Variants in ZPBP observed in about 807,000 individuals in gnomAD.
ZPBP encodes the protein zona pellucida binding protein.
Under a neutral mutation model 44.8 loss-of-function variants are expected in ZPBP, and 26 were observed. That is an observed-to-expected ratio of 0.58 (90% CI 0.43 to 0.81). The LOEUF is 0.81. Among genes scored for constraint, ZPBP ranks in the 30% least tolerant of loss-of-function variants. The pLI, the probability that ZPBP is intolerant of heterozygous loss-of-function variation, is 0.00. For synonymous variants in ZPBP, 174 were observed against 153.2 expected (o/e 1.14, Z -1.00); for missense variants, 409 against 434.0 (o/e 0.94, Z 0.51).
chr7:49,984,175 C>A (rs1228343728), intron 6 of ZPBP, among the ~76,000 whole-genome samples: 1 of 152,148 alleles, frequency 6.6e-6, no homozygotes, highest in Admixed American at 6.5e-5. Context: ...TAACTAGCAC[C>A]TCCAATCTAG....
chr7:50,090,127 G>A (rs1802877425), intron 1 of ZPBP, among the ~76,000 whole-genome samples: 1 of 151,766 alleles, frequency 6.6e-6, no homozygotes, highest in African/African-American at 2.4e-5. Context: ...CTTAAGTTTT[G>A]GAGGAACAGG....
At chr7:49,981,576 TAA>T (rs577844213) in intron 7 of ZPBP, among the ~76,000 whole-genome samples, 8 of 30,324 alleles carry the variant, frequency 2.6e-4, no homozygotes, top group Non-Finnish European at 4.9e-4. Flanking sequence ...TATAATTATA[TAA>T]ATTATATATT....
At chr7:49,943,331 G>A (rs1794965900) in intron 7 of ZPBP, 1 of 297,734 alleles carries the variant, frequency 3.4e-6, no homozygotes, top group South Asian at 3.3e-5. Context: ...CAAGTCCTCA[G>A]AAGAGTATAC....
In ZPBP at chr7:49,983,503, T is replaced by G. The variant is rs1349377632; in HGVS notation, c.800A>C (p.Glu267Ala). The G allele has an allele frequency of 6.3e-7, 1 of 1,598,262 alleles. No homozygotes were observed. The highest frequency in any genetic ancestry group is 1.1e-5 in the South Asian group (1 of 89,378). ...TTCTACTTGTTGATTAAAAAATCTC[T>G]CTATGAGATTTTTAGCCTAAAACAT... is the stretch of plus-strand genomic sequence containing the variant. ...KRLFKAKNLI[E>A]RFFNQQVEIL... The change falls in exon 7 of 8, where the codon GAG becomes GCG. Residue 267 changes from glutamate (E) to alanine (A), a missense_variant. By Grantham distance (107) the Glu-to-Ala change is moderately radical (BLOSUM62 -1). Coordinates refer to ENST00000046087, the MANE Select transcript of ZPBP (RefSeq NM_007009.3).
At chr7:49,934,063 A>AC (rs1335804864), downstream of ZPBP, among the ~76,000 whole-genome samples, 1 of 151,354 alleles carries the variant, frequency 6.6e-6, no homozygotes, top group Admixed American at 6.6e-5. Context: ...TAAAAAAAAA[A>AC]AAAAGAACTA....
chr7:49,864,592 G>T (rs905363851), intron 2 of ZPBP, among the ~76,000 whole-genome samples: 2 of 152,176 alleles, frequency 1.3e-5, no homozygotes, highest in Non-Finnish European at 2.9e-5. Flanking sequence ...GCAGGTTGTT[G>T]TCAGCCTTAC....
At chr7:49,981,342 A>ATT (rs1450949085) in intron 7 of ZPBP, among the ~76,000 whole-genome samples, 1 of 17,408 alleles carries the variant, frequency 5.7e-5, no homozygotes, top group African/African-American at 2.5e-4. Flanking sequence ...AATTATATAT[A>ATT]TTATATAATA....
At position 50,074,349 on chromosome 7, in the gene ZPBP, A is replaced by G. The variant is rs1801983664; in HGVS notation, c.334+7425T>C. ...CAGAGAAAATCGCCTTCACTACTGG[A>G]AGACAGAAAGGAGAGAAAGAAGGAA... On this transcript the variant is annotated intron_variant, in intron 3 of 7. Transcript: ENST00000046087. Among the ~76,000 whole-genome samples the G allele has an allele frequency of 5.9e-5, 9 of 152,160 alleles. No homozygotes were observed. In the South Asian group the frequency reaches 1.9e-3, roughly 32 times the overall value.
chr7:49,963,982 T>C (rs192957928), intron 7 of ZPBP, among the ~76,000 whole-genome samples: 11 of 152,002 alleles, frequency 7.2e-5, no homozygotes, highest in African/African-American at 2.4e-4. Context: ...CAATATATGA[T>C]GATAAAGTGG....
At chr7:49,887,038 A>C (rs1791934497) in intron 2 of ZPBP, among the ~76,000 whole-genome samples, 1 of 151,938 alleles carries the variant, frequency 6.6e-6, no homozygotes, top group African/African-American at 2.4e-5. Context: ...CAGAAGATTT[A>C]TTTTAAACCA....
Position 49,980,105 on chromosome 7 carries a change from T to C in ZPBP, c.961+3237A>G, listed in dbSNP as rs1047744023. Among the ~76,000 whole-genome samples, 646 of 104,756 alleles carry C rather than the reference T, an allele frequency of 6.2e-3. 14 individuals are homozygous for C. Among genetic ancestry groups the C allele is most frequent in the Non-Finnish European group, 8.5e-3 (497 of 58,200 alleles). The allele number at this position is 104,756 out of a possible 152,430, so 68.7% of individuals were successfully genotyped here. On this transcript the variant is annotated intron_variant, in intron 7 of 7. Coordinates refer to ENST00000046087, the MANE Select transcript of ZPBP (RefSeq NM_007009.3). ...AATATAATTTTATATTATATATAAT[T>C]ATAATATAATTTTATATTATAATTA...
In ZPBP at chr7:49,988,688, C is replaced by T. The variant is rs1334294448; in HGVS notation, c.784-5169G>A. 2.6e-5 allele frequency among the ~76,000 whole-genome samples: 4 copies of T among 152,260 alleles called. No homozygotes were observed. In the East Asian group the frequency reaches 7.7e-4, roughly 29 times the overall value. Reference sequence around the variant, plus strand: ...TCCTCTTCAAAGGATGGTCTATAATCAGCCACAAAACTCTGACAGGCAGTC... The same window carrying T: ...TCCTCTTCAAAGGATGGTCTATAATTAGCCACAAAACTCTGACAGGCAGTC... On this transcript the variant is annotated intron_variant, in intron 6 of 7. Transcript: ENST00000046087.
chr7:50,060,558 C>G (rs575450080), intron 3 of ZPBP, among the ~76,000 whole-genome samples: 18 of 152,200 alleles, frequency 1.2e-4, no homozygotes, highest in African/African-American at 3.6e-4. Context: ...ACTAGAAAAC[C>G]TAGAGAAATG....
At chr7:50,019,205 C>A (rs1333757207) in intron 5 of ZPBP, among the ~76,000 whole-genome samples, 2 of 152,054 alleles carry the variant, frequency 1.3e-5, no homozygotes, top group Admixed American at 6.6e-5. Context: ...CAATGAAAAT[C>A]TCTATAATTT....
chr7:49,864,146 C>T (rs898049945), intron 2 of ZPBP, among the ~76,000 whole-genome samples: 1 of 152,110 alleles, frequency 6.6e-6, no homozygotes, highest in Admixed American at 6.5e-5. Context: ...ATTTTTCAGA[C>T]TGTACTCCTT....
chr7:49,872,838 A>C (rs690842), intron 2 of ZPBP, among the ~76,000 whole-genome samples: 107,332 of 141,250 alleles, frequency 0.76, 41,029 homozygotes, highest in East Asian at 0.88. Flanking sequence ...ATCGCTTGAA[A>C]CCAGGAGGCA....
chr7:49,925,377 C>T (rs1296084941), intron 1 of ZPBP, among the ~76,000 whole-genome samples: 2 of 152,080 alleles, frequency 1.3e-5, no homozygotes, highest in African/African-American at 4.8e-5. Context: ...ACATCAGGAC[C>T]CAGTGTTGGC....
intron 2 of ZPBP, among the ~76,000 whole-genome samples, chr7:49,893,934 G>A (rs1369005078): frequency 6.6e-6 from 1 of 152,180 alleles, no homozygotes; most frequent in African/African-American, 2.4e-5. Flanking sequence ...AAAATAAAAT[G>A]CGTTGCCACA....
intron 7 of ZPBP, among the ~76,000 whole-genome samples, chr7:49,972,214 A>G (rs916962023): frequency 9.2e-5 from 14 of 151,512 alleles, no homozygotes; most frequent in Non-Finnish European, 2.1e-4. Flanking sequence ...CCTCACTTAT[A>G]TTTAACATAA....
Sources: gnomAD v4.1 joint callset for allele counts (sites outside exome capture counted in the v4.1 genomes callset) on GRCh38, gnomAD v4.1.1 for gene constraint, MANE v1.5 for transcripts, NCBI Gene and HGNC (gene_info 2026-07-23, HGNC 2026-07-21) for gene names.